The following PRUNE2 variants were observed in gnomAD, a reference collection of about 807,000 sequenced individuals.
PRUNE2 encodes the protein protein prune homolog 2.
Under a neutral mutation model 252.0 loss-of-function variants are expected in PRUNE2, and 164 were observed. The ratio of observed to expected loss-of-function variants is 0.65; its 90% CI spans 0.57 to 0.74. The LOEUF (loss-of-function observed/expected upper bound fraction) is 0.74, where lower values mean the gene tolerates loss of function less well. Ranked by LOEUF, PRUNE2 falls within the 30% of genes least tolerant of loss-of-function variation. The pLI, the probability that PRUNE2 is intolerant of heterozygous loss-of-function variation, is 0.00. For missense variants in PRUNE2, 3,495 were observed against 3,711.0 expected (o/e 0.94, Z 1.51); for synonymous variants, 1,292 against 1,350.2 (o/e 0.96, Z 0.94).
At chr9:76,670,214 C>G (rs2133895097) in intron 9 of PRUNE2, among the ~76,000 whole-genome samples, 1 of 152,276 alleles carries the variant, frequency 6.6e-6, no homozygotes. Context: ...CGAGCCGAAG[C>G]AGGGCGAGGC....
At chr9:76,745,947 T>C (rs192340344) in intron 6 of PRUNE2, among the ~76,000 whole-genome samples, 4 of 152,330 alleles carry the variant, frequency 2.6e-5, no homozygotes, top group Middle Eastern at 6.8e-3. Context: ...GTAAAGGGAA[T>C]AGCCTGTGTC....
At chr9:76,740,459 A>AAAAC (rs2049514986) in intron 6 of PRUNE2, 1 of 152,082 alleles carries the variant, frequency 6.6e-6, no homozygotes, top group Non-Finnish European at 1.5e-5. Context: ...AAAAAAAAAA[A>AAAAC]AAAAAAAGAT....
At chr9:76,904,726 G>A (rs1190867637) in intron 1 of PRUNE2, among the ~76,000 whole-genome samples, 3 of 152,118 alleles carry the variant, frequency 2.0e-5, no homozygotes, top group Non-Finnish European at 4.4e-5. Flanking sequence ...CAACTCTCTG[G>A]GAGGTTTCAG....
chr9:76,807,520 A>G (rs892020580), intron 6 of PRUNE2, among the ~76,000 whole-genome samples: 16 of 152,210 alleles, frequency 1.1e-4, no homozygotes, highest in Non-Finnish European at 2.1e-4. Flanking sequence ...ATACACAATA[A>G]TATCATATAT....
chr9:76,841,338 T>C (rs940744396), intron 4 of PRUNE2, among the ~76,000 whole-genome samples: 10 of 152,204 alleles, frequency 6.6e-5, no homozygotes, highest in Admixed American at 2.6e-4. Context: ...GGAGATTCCC[T>C]TGGATGCCTA....
At chr9:76,883,887 G>T (rs1228946761) in intron 1 of PRUNE2, among the ~76,000 whole-genome samples, 1 of 152,170 alleles carries the variant, frequency 6.6e-6, no homozygotes, top group Non-Finnish European at 1.5e-5. Flanking sequence ...GCCAATGGAT[G>T]GGAGAGTGGC....
chr9:76,690,896 C>T (rs1253360636), intron 9 of PRUNE2, among the ~76,000 whole-genome samples: 1 of 152,036 alleles, frequency 6.6e-6, no homozygotes, highest in East Asian at 1.9e-4. Flanking sequence ...TTTAATTTGC[C>T]CATAGAGACA....
chr9:76,786,665 C>T (rs1331031954), intron 6 of PRUNE2: 1 of 152,224 alleles, frequency 6.6e-6, no homozygotes, highest in East Asian at 1.9e-4. Context: ...TTCTTCCATC[C>T]CCACCACTAA....
At chr9:76,852,433 CCA>C (rs1249377651) in intron 2 of PRUNE2, among the ~76,000 whole-genome samples, 4 of 152,198 alleles carry the variant, frequency 2.6e-5, no homozygotes, top group Admixed American at 6.5e-5. Context: ...GGTTCCAGCC[CCA>C]GTCTCTACCA....
At chr9:76,851,124 AATTGAG>A (rs2059931012) in intron 2 of PRUNE2, among the ~76,000 whole-genome samples, 2 of 152,032 alleles carry the variant, frequency 1.3e-5, no homozygotes. Flanking sequence ...AAATTAGGAC[AATTGAG>A]GCAGGGTGGG....
intron 6 of PRUNE2, among the ~76,000 whole-genome samples, chr9:76,757,866 C>CA (rs984113966): frequency 6.6e-6 from 1 of 151,472 alleles, no homozygotes; most frequent in Non-Finnish European, 1.5e-5. Context: ...GGGCCCCACC[C>CA]AAAAAAAGAG....
At chr9:76,637,089 C>T (rs1840499795) in intron 14 of PRUNE2, among the ~76,000 whole-genome samples, 1 of 151,350 alleles carries the variant, frequency 6.6e-6, no homozygotes, top group South Asian at 2.1e-4. Context: ...TACAAGAATG[C>T]TTTTTGAGAT....
At chr9:76,754,835 ACAC>A (rs2050962067) in intron 6 of PRUNE2, among the ~76,000 whole-genome samples, 1 of 151,796 alleles carries the variant, frequency 6.6e-6, no homozygotes, top group African/African-American at 2.4e-5. Context: ...GCATGTTGGC[ACAC>A]TGCTGTAGTC....
intron 6 of PRUNE2, among the ~76,000 whole-genome samples, chr9:76,753,354 CT>C (rs11338981): frequency 0.66 from 100,047 of 151,858 alleles, 33,677 homozygotes; most frequent in East Asian, 0.84. Context: ...ATATTTATTA[CT>C]AAAGGATGCA....
chr9:76,689,400 G>A (rs1231545043), intron 9 of PRUNE2, among the ~76,000 whole-genome samples: 1 of 152,112 alleles, frequency 6.6e-6, no homozygotes, highest in Non-Finnish European at 1.5e-5. Flanking sequence ...CTGTCACCCA[G>A]GCTGGAGTGC....
chr9:76,709,162 T>C lies in PRUNE2; in HGVS notation c.3112A>G (p.Thr1038Ala). The change falls in exon 8 of 19, where the codon ACA (threonine) becomes GCA (alanine). Residue 1038 changes from threonine (T) to alanine (A), a missense_variant. Thr to Ala is a moderately conservative substitution (Grantham distance 58, BLOSUM62 0). Transcript: ENST00000376718. ...GNLDMWASPH[T>A]DNSSEINTTH... is the part of the protein sequence containing the mutation. ...GTATTTATTTCAGAACTGTTATCTG[T>C]ATGAGGTGAAGCCCACATGTCTAGG... 6.2e-7 allele frequency: 1 copy of C among 1,614,020 alleles called. No individual in the cohort carries two copies. Among genetic ancestry groups the C allele is most frequent in the South Asian group, 1.1e-5 (1 of 91,076 alleles).
chr9:76,683,501 G>C (rs1414521812), intron 9 of PRUNE2, among the ~76,000 whole-genome samples: 1 of 152,128 alleles, frequency 6.6e-6, no homozygotes, highest in Non-Finnish European at 1.5e-5. Context: ...CCTAAGCAGG[G>C]TAAGTTGAGT....
intron 4 of PRUNE2, among the ~76,000 whole-genome samples, chr9:76,838,669 A>C (rs1281699342): frequency 7.5e-6 from 1 of 133,448 alleles, no homozygotes; most frequent in Non-Finnish European, 1.7e-5. Context: ...AAAAAAAAAA[A>C]CAAATACAGC....
Position 76,705,079 on chromosome 9 carries a change from A to G in PRUNE2, c.7195T>C (p.Ser2399Pro). Residue 2399 changes from serine to proline, a missense_variant, in exon 8 of 19, where the codon TCT becomes CCT. Coordinates refer to ENST00000376718, the MANE Select transcript of PRUNE2 (RefSeq NM_015225.3). ...CTCTGGGCAGGTTCTGTGAGATAAG[A>G]CAAATCAAAGGGAGGTGTGTACGGT... ...LAPYTPPFDL[S>P]YLTEPAQSAE... 1 of 1,614,008 alleles carries G rather than the reference A, an allele frequency of 6.2e-7. No homozygotes were observed. Among genetic ancestry groups the G allele is most frequent in the South Asian group, 1.1e-5 (1 of 91,082 alleles).
Sources: gnomAD v4.1 joint callset for allele counts (sites outside exome capture counted in the v4.1 genomes callset) on GRCh38, gnomAD v4.1.1 for gene constraint, MANE v1.5 for transcripts, NCBI Gene and HGNC (gene_info 2026-07-23, HGNC 2026-07-21) for gene names.